MED13L: variants seen among roughly 807,000 people sequenced by gnomAD.
MED13L encodes mediator of RNA polymerase II transcription subunit 13-like.
Under a neutral mutation model 220.9 loss-of-function variants are expected in MED13L, and 7 were observed. That is an observed-to-expected ratio of 0.03 (90% confidence interval 0.02 to 0.06). MED13L has a LOEUF of 0.06. MED13L is among the 10% of genes least tolerant of loss of function. MED13L has a pLI of 1.00. For missense variants in MED13L, 1,965 were observed against 2,760.5 expected, an observed-to-expected ratio of 0.71 and a Z score of 6.46; for synonymous variants, 1,011 against 1,015.2, an observed-to-expected ratio of 1.00 and a Z score of 0.08.
At chr12:116,274,278 T>C (rs1470879555) in intron 1 of MED13L, among the ~76,000 whole-genome samples, 2 of 152,110 alleles carry the variant, frequency 1.3e-5, no homozygotes, top group Non-Finnish European at 2.9e-5. Context: ...AATCAACTTT[T>C]GGTAAGCCAT....
intron 4 of MED13L, among the ~76,000 whole-genome samples, chr12:116,074,935 C>T (rs1472825565): frequency 1.3e-5 from 2 of 152,218 alleles, no homozygotes; most frequent in African/African-American, 4.8e-5. Context: ...CTGCTTAGAG[C>T]TTTATTGCGC....
chr12:116,165,504 G>C (rs1185274331), intron 2 of MED13L, among the ~76,000 whole-genome samples: 1 of 151,572 alleles, frequency 6.6e-6, no homozygotes, highest in Non-Finnish European at 1.5e-5. Flanking sequence ...CTAACTTTTT[G>C]TATTTTTAGT....
At chr12:115,996,911 T>C (rs564563755) in intron 15 of MED13L, 99 bp downstream of exon 15, 21 of 1,284,412 alleles carry the variant, frequency 1.6e-5, no homozygotes, top group Non-Finnish European at 2.3e-5. Flanking sequence ...TAGGAACTTA[T>C]GTATATATGG....
chr12:116,082,923 G>C (rs1871328211), intron 4 of MED13L, among the ~76,000 whole-genome samples: 1 of 152,160 alleles, frequency 6.6e-6, no homozygotes, highest in Admixed American at 6.5e-5. Flanking sequence ...AACATCAAAT[G>C]ATTTGAAAGA....
chr12:115,996,060 C>G (rs1878381668), intron 16 of MED13L, among the ~76,000 whole-genome samples: 1 of 152,096 alleles, frequency 6.6e-6, no homozygotes, highest in Non-Finnish European at 1.5e-5. Flanking sequence ...AGGAAAGTTT[C>G]AAATGATATG....
chr12:116,043,772 C>T (rs1346767505), intron 4 of MED13L, among the ~76,000 whole-genome samples: 1 of 152,186 alleles, frequency 6.6e-6, no homozygotes, highest in Non-Finnish European at 1.5e-5. Context: ...TCTTCTCCAT[C>T]CCAACCTAAA....
In MED13L at chr12:116,129,358, A is replaced by ACTAT. The variant is rs142586280; in HGVS notation, c.311-17850_311-17847dup. On this transcript the variant is annotated intron_variant, in intron 2 of 30. Coordinates refer to ENST00000281928, the MANE Select transcript of MED13L (RefSeq NM_015335.5). ...ATGGCTCTTTTAAATCAGCTAGACA[A>ACTAT]CTATTCACTATTCGTATTCATTTTG... Among the ~76,000 whole-genome samples, 213 of 152,342 alleles carry ACTAT rather than the reference A, an allele frequency of 1.4e-3. 1 individual carries two copies. Among genetic ancestry groups the ACTAT allele is most frequent in the African/African-American group, 4.9e-3 (205 of 41,580 alleles).
At chr12:116,247,140 A>G (rs930575691) in intron 1 of MED13L, among the ~76,000 whole-genome samples, 3 of 152,136 alleles carry the variant, frequency 2.0e-5, no homozygotes, top group African/African-American at 7.2e-5. Context: ...CTTCTAAAGA[A>G]GGTAAAATAG....
intron 2 of MED13L, among the ~76,000 whole-genome samples, chr12:116,117,740 G>C (rs1874650212): frequency 6.6e-6 from 1 of 152,030 alleles, no homozygotes; most frequent in Non-Finnish European, 1.5e-5. Context: ...CAATGTACCA[G>C]TTATATTCTT....
chr12:115,996,779 C>A, intron 15 of MED13L, 98 bp from the exon 16 acceptor site: 1 of 1,164,168 alleles, frequency 8.6e-7, no homozygotes, highest in Non-Finnish European at 1.3e-6. Flanking sequence ...CCAAAATGAT[C>A]GTATTTCAGT....
intron 1 of MED13L, among the ~76,000 whole-genome samples, chr12:116,240,349 G>A (rs541209624): frequency 1.3e-5 from 2 of 151,652 alleles, no homozygotes; most frequent in East Asian, 1.9e-4. Flanking sequence ...CACCCACCTC[G>A]GCCTCCCAAA....
chr12:116,145,039 G>A (rs755270811), intron 2 of MED13L, among the ~76,000 whole-genome samples: 2 of 152,088 alleles, frequency 1.3e-5, no homozygotes, highest in Non-Finnish European at 2.9e-5. Flanking sequence ...TTCACATTAT[G>A]ATCCTATTTT....
intron 4 of MED13L, among the ~76,000 whole-genome samples, chr12:116,038,765 AAAAAAAG>A (rs1213644398): frequency 1.3e-5 from 2 of 150,214 alleles, no homozygotes; most frequent in Admixed American, 1.3e-4. Flanking sequence ...AAAAAAAAAA[AAAAAAAG>A]GAGAACCTGC....
chr12:116,020,028 G>A (rs1055135817), intron 5 of MED13L, 56 bp from the exon 6 acceptor site: 11 of 1,458,952 alleles, frequency 7.5e-6, no homozygotes, highest in Middle Eastern at 1.7e-4. Context: ...TCCTACTTAA[G>A]TGCAACACTA....
Position 115,997,159 on chromosome 12 carries a change from T to C in MED13L, c.2641A>G (p.Met881Val). The change falls in exon 15 of 31, where the codon ATG becomes GTG. Residue 881 changes from methionine to valine, a missense_variant. By Grantham distance (21) the Met-to-Val change is conservative. This residue lies in a region of MED13L where 233 missense variants were observed against 306.2 expected (regional missense o/e 0.76). Transcript: ENST00000281928. ...GAGCTGATCCCATCTTTATAATTCA[T>C]CACAGGAGAAAATGCAGGATGCTGT... ...LEQHPAFSPV[M>V]NYKDGISSET... 6.2e-7 allele frequency: 1 copy of C among 1,614,118 alleles called. No individual in the cohort carries two copies. The highest frequency in any genetic ancestry group is 8.5e-7 in the Non-Finnish European group (1 of 1,179,998).
intron 2 of MED13L, among the ~76,000 whole-genome samples, chr12:116,178,158 G>A (rs1880218921): frequency 6.6e-6 from 1 of 151,718 alleles, no homozygotes; most frequent in African/African-American, 2.4e-5. Context: ...ATTACACCAC[G>A]CCTAGCCTCC....
intron 2 of MED13L, among the ~76,000 whole-genome samples, chr12:116,182,086 TTTCAA>T (rs1880568691): frequency 6.6e-6 from 1 of 152,178 alleles, no homozygotes; most frequent in Non-Finnish European, 1.5e-5. Flanking sequence ...GCCTTCTCCC[TTTCAA>T]TTCTATTGCC....
At chr12:116,243,489 G>A (rs3907612) in intron 1 of MED13L, among the ~76,000 whole-genome samples, 13,840 of 152,000 alleles carry the variant, frequency 0.091, 725 homozygotes, top group East Asian at 0.22. Context: ...CAACAAAACA[G>A]GGATAAATGC....
chr12:116,196,759 C>G (rs1433494168), intron 2 of MED13L, among the ~76,000 whole-genome samples: 1 of 152,146 alleles, frequency 6.6e-6, no homozygotes, highest in Non-Finnish European at 1.5e-5. Flanking sequence ...GGTGGTCCAG[C>G]TGTGTCTACA....
Sources: allele counts gnomAD v4.1 joint callset (sites outside exome capture counted in the v4.1 genomes callset), GRCh38; gene constraint gnomAD v4.1.1; regional missense constraint gnomAD v4.1.1; transcripts MANE v1.5; gene names NCBI Gene and HGNC (gene_info 2026-07-23, HGNC 2026-07-21).